SALL2: variants seen among roughly 807,000 people sequenced by gnomAD.
The protein encoded by SALL2 is sal-like protein 2.
Under a neutral mutation model 58.5 loss-of-function variants are expected in SALL2, and 32 were observed. That is an observed-to-expected ratio of 0.55 (90% CI 0.41 to 0.74). SALL2 has a LOEUF of 0.74. Among genes scored for constraint, SALL2 ranks in the 30% least tolerant of loss-of-function variants. SALL2 has a pLI of 0.00. For synonymous variants in SALL2, 516 were observed against 513.6 expected, an observed-to-expected ratio of 1.00 and a Z score of -0.06; for missense variants, 1,201 against 1,268.9, an observed-to-expected ratio of 0.95 and a Z score of 0.81.
In SALL2 at chr14:21,525,426, T is replaced by TC; in HGVS notation, c.295dup (p.Asp99GlyfsTer101). 1 of 1,613,944 alleles carries TC rather than the reference T, an allele frequency of 6.2e-7. No individual in the cohort carries two copies. The highest frequency in any genetic ancestry group is 8.5e-7 in the Non-Finnish European group (1 of 1,179,930). ...ATCCGTGGGCACGGAGGACCCAGAA[T>TC]CTGGGGGGTTGCTATGCTCTGTGTC... On this transcript the variant is annotated frameshift_variant, in exon 2 of 2. Coordinates refer to ENST00000537235, the MANE Select transcript of SALL2 (RefSeq NM_001364564.1). LOFTEE classifies it high-confidence loss of function. The surrounding 1 kb of genome is among the most constrained non-coding windows in gnomAD (Gnocchi z 4.4).
In SALL2 at chr14:21,523,612, G is replaced by C; in HGVS notation, c.2110C>G (p.Leu704Val). 6.2e-7 allele frequency: 1 copy of C among 1,614,248 alleles called. No homozygotes were observed. ...AGGTGCATCCGGACATGCTGCTGCA[G>C]AGTGACAGCATTGGTGAACTTCTTC... ...CQKKFTNAVT[L>V]QQHVRMHLGG... The change falls in exon 2 of 2, where the codon CTG becomes GTG. Residue 704 changes from leucine to valine, a missense_variant. This residue lies in a region of SALL2 where 675 missense variants were observed against 683.8 expected (regional missense o/e 0.99). Transcript: ENST00000537235. This position sits in a 1 kb window ranked among gnomAD's most constrained non-coding sequence, Gnocchi z 4.4.
chr14:21,531,708 G>A (rs1892467027), intron 1 of SALL2, among the ~76,000 whole-genome samples: 2 of 112,682 alleles, frequency 1.8e-5, no homozygotes, highest in African/African-American at 6.8e-5. Flanking sequence ...CGCCTGGCCA[G>A]CCTTTTTTTT....
At chr14:21,533,933 G>A (rs1477254973) in intron 1 of SALL2, among the ~76,000 whole-genome samples, 1 of 152,100 alleles carries the variant, frequency 6.6e-6, no homozygotes, top group Non-Finnish European at 1.5e-5. Context: ...TAATTTCACA[G>A]GTACACCAAA....
At position 21,523,514 on chromosome 14, in the gene SALL2, C is replaced by A. The variant is rs745531830; in HGVS notation, c.2208G>T (p.Glu736Asp). Residue 736 changes from glutamate (E) to aspartate (D), a missense_variant, in exon 2 of 2, where the codon GAG (glutamate) becomes GAT (aspartate). By Grantham distance (45) the Glu-to-Asp change is conservative. This residue lies in a region of SALL2 where 675 missense variants were observed against 683.8 expected (regional missense o/e 0.99). Transcript: ENST00000537235. This position sits in a 1 kb window ranked among gnomAD's most constrained non-coding sequence, Gnocchi z 4.4. Reference sequence around the variant, plus strand: ...TCCGTGCCCCGGAGACTGTAGATTGCTCGGAGCCATTCTCCTGAGCAGCTC... The same window carrying A: ...TCCGTGCCCCGGAGACTGTAGATTGATCGGAGCCATTCTCCTGAGCAGCTC... ...GGGAAQENGS[E>D]QSTVSGARSF... 3.1e-6 allele frequency: 5 copies of A among 1,614,210 alleles called. No individual in the cohort carries two copies. The highest frequency in any genetic ancestry group is 4.2e-6 in the Non-Finnish European group (5 of 1,180,046).
At position 21,526,265 on chromosome 14, in the gene SALL2, G is replaced by A; in HGVS notation, c.-138C>T. 1 of 1,446,982 alleles carries A rather than the reference G, an allele frequency of 6.9e-7. No homozygotes were observed. The allele number at this position is 1,446,982 out of a possible 1,614,324, so 89.6% of individuals were successfully genotyped here. A position where few individuals can be genotyped will look rare whatever the true frequency, so the allele number is the denominator to read the frequency against. Reference sequence around the variant, plus strand: ...CGGAGATGGAGATCGGCAGCGGCGGGGGCAGGGAGCAGCGGCGGAGGGGGA... The same window carrying A: ...CGGAGATGGAGATCGGCAGCGGCGGAGGCAGGGAGCAGCGGCGGAGGGGGA... On this transcript the variant is annotated 5_prime_UTR_variant, in exon 1 of 2. Transcript: ENST00000537235.
exon 1 of SALL2, chr14:21,537,088 T>C (rs1347741590): frequency 1.3e-5 from 8 of 619,196 alleles, no homozygotes; most frequent in Non-Finnish European, 2.4e-5. Context: ...AGACTCTCTC[T>C]CTCTCTCTGA....
chr14:21,526,018 C>A, intron 1 of SALL2, 43 bp downstream of exon 1: 1 of 1,324,154 alleles, frequency 7.6e-7, no homozygotes, highest in South Asian at 1.3e-5. Context: ...TGCGCATCCC[C>A]CTCCGCCCCC....
At chr14:21,531,664 T>C (rs976908302) in intron 1 of SALL2, among the ~76,000 whole-genome samples, 1 of 150,704 alleles carries the variant, frequency 6.6e-6, no homozygotes, top group African/African-American at 2.4e-5. Flanking sequence ...CACCTCGGCC[T>C]CCCAAAGTGC....
rs1892070586 is a variant in SALL2, at chr14:21,522,339, T to C, written c.*365A>G. On this transcript the variant is annotated 3_prime_UTR_variant, in exon 2 of 2. Coordinates refer to ENST00000537235, the MANE Select transcript of SALL2 (RefSeq NM_001364564.1). ...CTCCAGAGACAGCTGCCAGCCCTTT[T>C]TGGCTAGGCTGCAATGCCAAATGTA... 1 of 1,457,384 alleles carries C rather than the reference T, an allele frequency of 6.9e-7. No individual in the cohort carries two copies. The highest frequency in any genetic ancestry group is 9.0e-7 in the Non-Finnish European group (1 of 1,106,606). The allele number at this position is 1,457,384 out of a possible 1,614,324, so 90.3% of individuals were successfully genotyped here. A position where few individuals can be genotyped will look rare whatever the true frequency, so the allele number is the denominator to read the frequency against.
intron 1 of SALL2, chr14:21,536,920 AT>A (rs762134682): frequency 9.9e-6 from 16 of 1,613,318 alleles, no homozygotes; most frequent in Non-Finnish European, 1.4e-5. Context: ...TCGCCGAGAC[AT>A]TCCCGGGTAG....
At chr14:21,533,529 C>T (rs1337468726) in intron 1 of SALL2, among the ~76,000 whole-genome samples, 1 of 151,852 alleles carries the variant, frequency 6.6e-6, no homozygotes, top group Admixed American at 6.6e-5. Flanking sequence ...TACTGGTTTG[C>T]ATTTTTCCCC....
chr14:21,526,023 G>GCCCCCCCCCCAGCCCCCCCC, intron 1 of SALL2, 38 bp downstream of exon 1: 1 of 898,724 alleles, frequency 1.1e-6, no homozygotes, highest in Non-Finnish European at 1.7e-6. Context: ...ATCCCCCTCC[G>GCCCCCCCCCCAGCCCCCCCC]CCCCCACCCC....
At position 21,522,562 on chromosome 14, in the gene SALL2, G is replaced by A; in HGVS notation, c.*142C>T. On this transcript the variant is annotated 3_prime_UTR_variant, in exon 2 of 2. Coordinates refer to ENST00000537235, the MANE Select transcript of SALL2 (RefSeq NM_001364564.1). Reference sequence around the variant, plus strand: ...AAGCACAGTAATTTCCAAGCTCAGGGACTACAGAAAAGCCACTAGGGACAT... The same window carrying A: ...AAGCACAGTAATTTCCAAGCTCAGGAACTACAGAAAAGCCACTAGGGACAT... 7.1e-7 allele frequency: 1 copy of A among 1,400,184 alleles called. No homozygotes were observed. Among genetic ancestry groups the A allele is most frequent in the Non-Finnish European group, 9.3e-7 (1 of 1,080,240 alleles). The allele number at this position is 1,400,184 out of a possible 1,614,324, so 86.7% of individuals were successfully genotyped here.
At chr14:21,526,938 C>A (rs1892335627), upstream of SALL2, among the ~76,000 whole-genome samples, 1 of 152,096 alleles carries the variant, frequency 6.6e-6, no homozygotes, top group Non-Finnish European at 1.5e-5. Flanking sequence ...GGACTCTCTG[C>A]GGAACACTAA....
Position 21,525,391 on chromosome 14 carries a change from C to T in SALL2, c.331G>A (p.Gly111Ser). ...GACTCCTCTCCTCTCCTCTCTGGGC[C>T]CCAGGTGGGATCCGTGGGCACGGAG... ...GSSVPTDPTW[G>S]PERRGEESSG... Residue 111 changes from glycine to serine, a missense_variant, in exon 2 of 2, where the codon GGC (glycine) becomes AGC (serine). By Grantham distance (56) the Gly-to-Ser change is moderately conservative (BLOSUM62 0). Coordinates refer to ENST00000537235, the MANE Select transcript of SALL2 (RefSeq NM_001364564.1). The surrounding 1 kb of genome is among the most constrained non-coding windows in gnomAD (Gnocchi z 4.4). The T allele has an allele frequency of 6.2e-7, 1 of 1,614,024 alleles. No individual in the cohort carries two copies.
chr14:21,524,640 A>G lies in SALL2; in HGVS notation c.1082T>C (p.Met361Thr). The G allele has an allele frequency of 6.2e-7, 1 of 1,614,180 alleles. No individual in the cohort carries two copies. The highest frequency in any genetic ancestry group is 8.5e-7 in the Non-Finnish European group (1 of 1,180,040). The change falls in exon 2 of 2, where the codon ATG becomes ACG. Residue 361 changes from methionine to threonine, a missense_variant. By Grantham distance (81) the Met-to-Thr change is moderately conservative (BLOSUM62 -1). Coordinates refer to ENST00000537235, the MANE Select transcript of SALL2 (RefSeq NM_001364564.1). ...TCCACCAGGCTTCTCCAAGGGACCC[A>G]TCACTTCTCCGTAGCTCAGCTCACC... ...GSGELSYGEV[M>T]GPLEKPGGRH...
intron 1 of SALL2, chr14:21,536,753 C>T (rs1892606937): frequency 1.1e-6 from 1 of 935,100 alleles, no homozygotes; most frequent in Non-Finnish European, 1.7e-6. Flanking sequence ...TCCGCCCCCG[C>T]CTGGTTTCGC....
chr14:21,526,069 T>C lies in SALL2; in HGVS notation c.59A>G (p.Glu20Gly). 3 of 1,533,368 alleles carry C rather than the reference T, an allele frequency of 2.0e-6. No individual in the cohort carries two copies. Among genetic ancestry groups the C allele is most frequent in the Non-Finnish European group, 2.6e-6 (3 of 1,145,214 alleles). The allele number at this position is 1,533,368 out of a possible 1,614,324, so 95.0% of individuals were successfully genotyped here. ...RLGVPCGEPAELGGDASEEDH... is the reference protein window; with the variant it reads ...RLGVPCGEPAGLGGDASEEDH... ...GACCGACCCTACCGCACCTCCGAGCTCTGCCGGCTCCCCGCAGGGCACCCC... is the reference window on the plus strand; with the variant it reads ...GACCGACCCTACCGCACCTCCGAGCCCTGCCGGCTCCCCGCAGGGCACCCC... Residue 20 changes from glutamate to glycine, a missense_variant, in exon 1 of 2, where the codon GAG becomes GGG. This residue lies in a region of SALL2 where 467 missense variants were observed against 468.9 expected (regional missense o/e 1.00). Coordinates refer to ENST00000537235, the MANE Select transcript of SALL2 (RefSeq NM_001364564.1).
chr14:21,524,516 A>G lies in SALL2; in HGVS notation c.1206T>C (p.Asn402=), dbSNP rs1200301596. The change falls in exon 2 of 2, where the codon AAT becomes AAC. Residue 402 remains asparagine, a synonymous_variant. Transcript: ENST00000537235. ...SHTGERPYKC[N]VCGNRFTTRG... is the part of the protein sequence containing the mutation. ...GGGTGGTAAAACGGTTTCCACAGAC[A>G]TTGCACTTATAGGGCCTCTCACCCG... The G allele has an allele frequency of 5.0e-6, 8 of 1,614,112 alleles. No individual in the cohort carries two copies. Among genetic ancestry groups the G allele is most frequent in the Non-Finnish European group, 5.1e-6 (6 of 1,180,052 alleles).
Sources: allele counts gnomAD v4.1 joint callset (sites outside exome capture counted in the v4.1 genomes callset), GRCh38; gene constraint gnomAD v4.1.1; regional missense constraint gnomAD v4.1.1; non-coding constraint Gnocchi (gnomAD v3.1); transcripts MANE v1.5; gene names NCBI Gene and HGNC (gene_info 2026-07-23, HGNC 2026-07-21).